The following UBR2 variants were observed in gnomAD, a reference collection of about 807,000 sequenced individuals.
The protein encoded by UBR2 is E3 ubiquitin-protein ligase UBR2.
A neutral mutation model predicts 247.9 loss-of-function variants in UBR2; 92 were observed. The ratio of observed to expected loss-of-function variants is 0.37; its 90% CI spans 0.31 to 0.44. The LOEUF is 0.44. Ranked by LOEUF, UBR2 falls within the 20% of genes least tolerant of loss-of-function variation. UBR2 has a pLI of 1.00. For missense variants in UBR2, 1,613 were observed against 2,112.6 expected (o/e 0.76, Z 4.64); for synonymous variants, 672 against 693.5 (o/e 0.97, Z 0.49).
At chr6:42,567,452 C>T (rs1245957039) in intron 1 of UBR2, among the ~76,000 whole-genome samples, 1 of 151,900 alleles carries the variant, frequency 6.6e-6, no homozygotes, top group Admixed American at 6.6e-5. Context: ...GTAAACATGC[C>T]GGGTGTGGTG....
At chr6:42,614,356 GTA>G (rs1201296509) in intron 8 of UBR2, among the ~76,000 whole-genome samples, 2 of 130,520 alleles carry the variant, frequency 1.5e-5, no homozygotes, top group Admixed American at 7.6e-5. Flanking sequence ...ATGTATGTGT[GTA>G]TATATGTGTG....
intron 2 of UBR2, among the ~76,000 whole-genome samples, chr6:42,576,949 G>A (rs961013009): frequency 6.6e-6 from 1 of 152,210 alleles, no homozygotes; most frequent in Admixed American, 6.5e-5. Context: ...GGATTTAAAG[G>A]TTACCTCCCT....
At chr6:42,624,065 T>C (rs1028502384) in intron 11 of UBR2, among the ~76,000 whole-genome samples, 1 of 152,170 alleles carries the variant, frequency 6.6e-6, no homozygotes, top group Non-Finnish European at 1.5e-5. Context: ...ATTAATTACA[T>C]TGGCAAGTAT....
At position 42,688,219 on chromosome 6, in the gene UBR2, C is replaced by A; in HGVS notation, c.4857C>A (p.Cys1619Ter). The change falls in exon 45 of 47, where the codon TGC becomes TGA. Residue 1619 changes from cysteine (C) to a stop codon, truncating the protein, a stop_gained. Transcript: ENST00000372901. LOFTEE classifies it high-confidence loss of function. ...SLINQASNFS[C>*]PKSGGDKSRA... ...GTGGGTTTTTTATCCCTTGGAGGTG[C>A]CCGAAATCAGGTGGTGATAAGAGCA... 3 of 1,614,084 alleles carry A rather than the reference C, an allele frequency of 1.9e-6. No individual in the cohort carries two copies. Among genetic ancestry groups the A allele is most frequent in the Non-Finnish European group, 2.5e-6 (3 of 1,180,022 alleles).
Position 42,691,184 on chromosome 6 carries a change from A to G in UBR2, c.*11A>G. On this transcript the variant is annotated 3_prime_UTR_variant, in exon 47 of 47. Transcript: ENST00000372901. ...TGGCAACATTTATAATTATTGCACC[A>G]CCAAAAAACACAAACTTGGATTTTT... 6.2e-7 allele frequency: 1 copy of G among 1,608,926 alleles called. No individual in the cohort carries two copies. Among genetic ancestry groups the G allele is most frequent in the Non-Finnish European group, 8.5e-7 (1 of 1,178,894 alleles).
intron 2 of UBR2, among the ~76,000 whole-genome samples, chr6:42,591,180 A>ACCTCTT (rs1222745735): frequency 6.6e-6 from 1 of 152,176 alleles, no homozygotes; most frequent in African/African-American, 2.4e-5. Flanking sequence ...TGAGTCCAAG[A>ACCTCTT]GGTTGAGGCT....
At chr6:42,589,483 C>T (rs1285205930) in intron 2 of UBR2, among the ~76,000 whole-genome samples, 1 of 152,126 alleles carries the variant, frequency 6.6e-6, no homozygotes, top group Non-Finnish European at 1.5e-5. Flanking sequence ...TTGTCTATAT[C>T]TGATTTTGAC....
At chr6:42,617,542 T>C in intron 11 of UBR2, 35 bp downstream of exon 11, 1 of 1,538,834 alleles carries the variant, frequency 6.5e-7, no homozygotes, top group Non-Finnish European at 8.8e-7. Flanking sequence ...CTTTCTTGTT[T>C]TCCATTAACA....
rs770390233 is a variant in UBR2, at chr6:42,676,041, G to A, written c.4252-15G>A. ...GGAAAGGCGATCTGTCTGATGTCCT[G>A]TGTTTGGTGCCTAGGTGGGCTTGGT... On this transcript the variant is annotated splice_polypyrimidine_tract_variant and intron_variant, in intron 38 of 46. Transcript: ENST00000372901. 7 of 1,602,840 alleles carry A rather than the reference G, an allele frequency of 4.4e-6. No individual in the cohort carries two copies. Among genetic ancestry groups the A allele is most frequent in the Non-Finnish European group, 5.9e-6 (7 of 1,176,540 alleles).
rs531994535 is a variant in UBR2, at chr6:42,597,615, T to G, written c.531+3311T>G. On this transcript the variant is annotated intron_variant, in intron 4 of 46. Coordinates refer to ENST00000372901, the MANE Select transcript of UBR2 (RefSeq NM_001363705.2). ...TCTGTCTCCAAAAAAAAAAAAAAGTTTAAGAGAAATGAAGTCAGCCAGGCG... is the reference window on the plus strand; with the variant it reads ...TCTGTCTCCAAAAAAAAAAAAAAGTGTAAGAGAAATGAAGTCAGCCAGGCG... 2.5e-4 allele frequency among the ~76,000 whole-genome samples: 38 copies of G among 150,024 alleles called. No homozygotes were observed. In the Middle Eastern group the frequency reaches 0.011, roughly 42 times the overall value.
At chr6:42,588,527 T>C (rs996063380) in intron 2 of UBR2, among the ~76,000 whole-genome samples, 1 of 152,120 alleles carries the variant, frequency 6.6e-6, no homozygotes, top group African/African-American at 2.4e-5. Context: ...TAGCCAGGCA[T>C]AGTGGCTTGA....
intron 11 of UBR2, chr6:42,619,451 A>ATTTTTTTT (rs1310062071): frequency 4.3e-5 from 1 of 23,018 alleles, no homozygotes; most frequent in African/African-American, 1.1e-4. Flanking sequence ...ATATATATAT[A>ATTTTTTTT]TATTTTTTTT....
chr6:42,674,269 T>G, intron 38 of UBR2, 76 bp downstream of exon 38: 1 of 1,354,792 alleles, frequency 7.4e-7, no homozygotes, highest in Non-Finnish European at 1.0e-6. Flanking sequence ...AGCAGTGTAG[T>G]GGCAGACAGG....
At chr6:42,630,752 A>G (rs1231038141) in intron 11 of UBR2, among the ~76,000 whole-genome samples, 1 of 152,114 alleles carries the variant, frequency 6.6e-6, no homozygotes, top group Non-Finnish European at 1.5e-5. Context: ...ATTAGAATAC[A>G]GTTTTAATAT....
chr6:42,634,530 C>A (rs1180636865), intron 13 of UBR2, among the ~76,000 whole-genome samples: 2 of 152,246 alleles, frequency 1.3e-5, no homozygotes, highest in Non-Finnish European at 2.9e-5. Flanking sequence ...TCTTGGCTCA[C>A]TGCAACCTCT....
At chr6:42,653,145 T>G (rs1562362284) in intron 25 of UBR2, among the ~76,000 whole-genome samples, 1 of 152,190 alleles carries the variant, frequency 6.6e-6, no homozygotes, top group African/African-American at 2.4e-5. Context: ...AGTGCAGTGG[T>G]GCAATCTTGG....
intron 4 of UBR2, among the ~76,000 whole-genome samples, chr6:42,602,121 G>A (rs1377827807): frequency 1.3e-5 from 2 of 151,538 alleles, no homozygotes; most frequent in South Asian, 2.1e-4. Context: ...CATCCACCTC[G>A]GCCTCCCAAA....
chr6:42,676,068 C>A lies in UBR2; in HGVS notation c.4264C>A (p.Leu1422Ile). Residue 1422 changes from leucine to isoleucine, a missense_variant, in exon 39 of 47, where the codon CTT becomes ATT. Physicochemically the swap from Leu to Ile is conservative, Grantham distance 5. Around this residue, in one of 3 missense-constraint regions of UBR2, gnomAD observed 1,524 missense variants for 1,967.3 expected, o/e 0.77. Coordinates refer to ENST00000372901, the MANE Select transcript of UBR2 (RefSeq NM_001363705.2). ...DMFHLLVGLV[L>I]AFPALQCQDF... Reference sequence around the variant, plus strand: ...GTTTGGTGCCTAGGTGGGCTTGGTGCTTGCATTTCCTGCGTTGCAGTGTCA... The same window carrying A: ...GTTTGGTGCCTAGGTGGGCTTGGTGATTGCATTTCCTGCGTTGCAGTGTCA... 1 of 1,611,976 alleles carries A rather than the reference C, an allele frequency of 6.2e-7. No individual in the cohort carries two copies. The highest frequency in any genetic ancestry group is 8.5e-7 in the Non-Finnish European group (1 of 1,179,326).
intron 34 of UBR2, among the ~76,000 whole-genome samples, chr6:42,668,115 C>T (rs1277215530): frequency 6.6e-6 from 1 of 152,066 alleles, no homozygotes; most frequent in Non-Finnish European, 1.5e-5. Context: ...TTGCTAGGTC[C>T]CTCCTTCCCC....
Sources: allele counts gnomAD v4.1 joint callset (sites outside exome capture counted in the v4.1 genomes callset), GRCh38; gene constraint gnomAD v4.1.1; regional missense constraint gnomAD v4.1.1; transcripts MANE v1.5; gene names NCBI Gene and HGNC (gene_info 2026-07-23, HGNC 2026-07-21).